The following GCAT variants were observed in gnomAD, a reference collection of about 807,000 sequenced individuals.
GCAT encodes the protein glycine C-acetyltransferase.
A neutral mutation model predicts 39.7 loss-of-function variants in GCAT; 26 were observed. The ratio of observed to expected loss-of-function variants is 0.65; its 90% CI spans 0.48 to 0.91. The LOEUF (loss-of-function observed/expected upper bound fraction) is 0.91, where lower values mean the gene tolerates loss of function less well. Among genes scored for constraint, GCAT ranks in the 40% least tolerant of loss-of-function variants. The pLI, the probability that GCAT is intolerant of heterozygous loss-of-function variation, is 0.00. For synonymous variants in GCAT, 218 were observed against 237.2 expected, an observed-to-expected ratio of 0.92 and a Z score of 0.74; for missense variants, 550 against 576.2, an observed-to-expected ratio of 0.95 and a Z score of 0.47.
At chr22:37,814,758 G>A (rs1387308757) in intron 4 of GCAT, among the ~76,000 whole-genome samples, 1 of 152,202 alleles carries the variant, frequency 6.6e-6, no homozygotes, top group Non-Finnish European at 1.5e-5. Flanking sequence ...ACAGGTGTGA[G>A]CCACTGTGCC....
chr22:37,812,817 C>A (rs1288906176), intron 2 of GCAT, 70 bp from the exon 3 acceptor site: 1 of 1,061,610 alleles, frequency 9.4e-7, no homozygotes, highest in Non-Finnish European at 1.5e-6. Flanking sequence ...GTCCTCCAAG[C>A]CTCTGTCCCC....
rs566308999 is a variant in GCAT, at chr22:37,813,009, G to A, written c.429+21G>A. 6.3e-5 allele frequency: 98 copies of A among 1,548,890 alleles called. 1 individual carries two copies. In the South Asian group the frequency reaches 8.8e-4, roughly 14 times the overall value. Reference sequence around the variant, plus strand: ...TTGAGGTGTGTGGAAGCTGTCCTGCGGGTGAGGGTTGGTGGGGCCTGTTAG... The same window carrying A: ...TTGAGGTGTGTGGAAGCTGTCCTGCAGGTGAGGGTTGGTGGGGCCTGTTAG... On this transcript the variant is annotated intron_variant, in intron 3 of 8. Coordinates refer to ENST00000248924, the MANE Select transcript of GCAT (RefSeq NM_014291.4).
chr22:37,815,440 G>A lies in GCAT; in HGVS notation c.754G>A (p.Val252Met), dbSNP rs1453658428. The A allele has an allele frequency of 3.7e-6, 6 of 1,610,758 alleles. No individual in the cohort carries two copies. The highest frequency in any genetic ancestry group is 5.1e-6 in the Non-Finnish European group (6 of 1,178,940). ...TGRGTDELLG[V>M]MDQVTIINST... is the part of the protein sequence containing the mutation. ...CAGGGGCACAGATGAGCTGCTGGGTGTGATGGACCAGGTCACCATCATCAA... is the reference window on the plus strand; with the variant it reads ...CAGGGGCACAGATGAGCTGCTGGGTATGATGGACCAGGTCACCATCATCAA... Residue 252 changes from valine to methionine, a missense_variant, in exon 6 of 9, where the codon GTG becomes ATG. Val to Met is a conservative substitution (Grantham distance 21, BLOSUM62 1). Around this residue, in one of 3 missense-constraint regions of GCAT, gnomAD observed 378 missense variants for 390.4 expected, o/e 0.97. Coordinates refer to ENST00000248924, the MANE Select transcript of GCAT (RefSeq NM_014291.4).
At position 37,810,051 on chromosome 22, in the gene GCAT, A is replaced by G; in HGVS notation, c.221A>G (p.Asn74Ser). 1 of 1,614,122 alleles carries G rather than the reference A, an allele frequency of 6.2e-7. No individual in the cohort carries two copies. Among genetic ancestry groups the G allele is most frequent in the East Asian group, 2.2e-5 (1 of 44,882 alleles). The change falls in exon 2 of 9, where the codon AAC becomes AGC. Residue 74 changes from asparagine to serine, a missense_variant. Asn to Ser is a conservative substitution (Grantham distance 46, BLOSUM62 1). Transcript: ENST00000248924. ...GGAATCCTTAACTTCTGTGCCAACA[A>G]CTACCTGGGCCTGAGCAGCCACCCT... The part of the protein sequence containing the change: ...SGGILNFCAN[N>S]YLGLSSHPEV...
intron 2 of GCAT, among the ~76,000 whole-genome samples, chr22:37,812,430 C>T (rs988523174): frequency 2.6e-5 from 4 of 152,158 alleles, no homozygotes; most frequent in African/African-American, 9.7e-5. Flanking sequence ...AAATGAATGT[C>T]AGAGGCAGAA....
intron 2 of GCAT, 61 bp downstream of exon 2, chr22:37,810,218 A>T: frequency 7.7e-7 from 1 of 1,292,644 alleles, no homozygotes; most frequent in South Asian, 1.2e-5. Context: ...TCCCACAGTC[A>T]GCAAGGCTGG....
rs541473388 is a variant in GCAT at position 37,812,165 on chromosome 22, T to TC, written c.328-722_328-721insC. On this transcript the variant is annotated intron_variant, in intron 2 of 8. Coordinates refer to ENST00000248924, the MANE Select transcript of GCAT (RefSeq NM_014291.4). ...GGGCAACATAGCAAGACCCTCTCTCTAAAAAAAAAAAAATGTTTTTAATTA... is the reference window on the plus strand; with the variant it reads ...GGGCAACATAGCAAGACCCTCTCTCTCAAAAAAAAAAAAATGTTTTTAATTA... Among the ~76,000 whole-genome samples, 4 of 146,948 alleles carry TC rather than the reference T, an allele frequency of 2.7e-5. No individual in the cohort carries two copies. The East Asian group carries it at 6.0e-4, about 22-fold the overall frequency.
intron 1 of GCAT, among the ~76,000 whole-genome samples, chr22:37,808,505 GGCTTGCCCAAAAGCCCCCAGCTA>G (rs567645908): frequency 0.016 from 2,417 of 152,314 alleles, 18 homozygotes; most frequent in Middle Eastern, 0.054. Context: ...GATGTGAAAT[GGCTTGCCCAAAAGCCCCCAGCTA>G]GCTGCAGGCA....
intron 8 of GCAT, 45 bp downstream of exon 8, chr22:37,816,366 A>T (rs1922198594): frequency 6.3e-7 from 1 of 1,598,970 alleles, no homozygotes; most frequent in African/African-American, 1.3e-5. Context: ...TCCTGAGAGA[A>T]GAGAAAGGGA....
rs773756902 is a variant in GCAT at position 37,813,533 on chromosome 22, G to A, written c.500G>A (p.Arg167Gln). The change falls in exon 4 of 9, where the codon CGG becomes CAG. Residue 167 changes from arginine (R) to glutamine (Q), a missense_variant. Physicochemically the swap from Arg to Gln is conservative, Grantham distance 43. Transcript: ENST00000248924. ...CATGCCTCCATCATCGACGGCATCC[G>A]GCTGTGCAAGGCCCACAAGTACCGC... ...LNHASIIDGI[R>Q]LCKAHKYRYR... 39 of 1,613,310 alleles carry A rather than the reference G, an allele frequency of 2.4e-5. No homozygotes were observed. The highest frequency in any genetic ancestry group is 1.5e-4 in the South Asian group (14 of 90,948).
chr22:37,809,147 G>A (rs998931431), intron 1 of GCAT, among the ~76,000 whole-genome samples: 1 of 152,214 alleles, frequency 6.6e-6, no homozygotes, highest in Non-Finnish European at 1.5e-5. Context: ...GAGGTCCCAG[G>A]TAATCCCTTC....
At chr22:37,815,016 C>A in intron 4 of GCAT, 110 bp from the exon 5 acceptor site, 1 of 1,060,062 alleles carries the variant, frequency 9.4e-7, no homozygotes, top group Non-Finnish European at 1.4e-6. Context: ...GTGCCCACCT[C>A]TGTGCTGGGC....
Position 37,808,844 on chromosome 22 carries a change from A to C in GCAT, c.196+681A>C, listed in dbSNP as rs187317492. ...TGGGACTACAGGCACGTGCCAGCAC[A>C]CCCGGCTAATTTTTGTATTTTTAGT... On this transcript the variant is annotated intron_variant, in intron 1 of 8. Transcript: ENST00000248924. Among the ~76,000 whole-genome samples the C allele has an allele frequency of 9.9e-5, 15 of 152,118 alleles. No homozygotes were observed. The East Asian group carries it at 2.7e-3, about 27-fold the overall frequency.
intron 2 of GCAT, among the ~76,000 whole-genome samples, chr22:37,812,165 T>TAAAA (rs397804303): frequency 6.8e-6 from 1 of 146,856 alleles, no homozygotes; most frequent in Non-Finnish European, 1.5e-5. Context: ...ACCCTCTCTC[T>TAAAA]AAAAAAAAAA....
chr22:37,808,507 C>T (rs750010652), intron 1 of GCAT, among the ~76,000 whole-genome samples: 2 of 147,390 alleles, frequency 1.4e-5, no homozygotes, highest in Non-Finnish European at 3.1e-5. Flanking sequence ...TGTGAAATGG[C>T]TTGCCCAAAA....
At position 37,816,829 on chromosome 22, in the gene GCAT, C is replaced by G. The variant is rs1922260375; in HGVS notation, c.*111C>G. ...TGAGCCCTGAACCAAAGTCCCAGAG[C>G]TGGGCTGGGACGTGACCTGTGCTGA... is the stretch of plus-strand genomic sequence containing the variant. On this transcript the variant is annotated 3_prime_UTR_variant, in exon 9 of 9. Coordinates refer to ENST00000248924, the MANE Select transcript of GCAT (RefSeq NM_014291.4). The G allele has an allele frequency of 1.8e-6, 2 of 1,112,912 alleles. No individual in the cohort carries two copies. The highest frequency in any genetic ancestry group is 4.9e-5 in the East Asian group (2 of 40,642). The allele number at this position is 1,112,912 out of a possible 1,614,324, so 68.9% of individuals were successfully genotyped here. A position where few individuals can be genotyped will look rare whatever the true frequency, so the allele number is the denominator to read the frequency against.
chr22:37,807,940 G>A lies in GCAT; in HGVS notation c.-28G>A. ...CGCGATGCGCACGGCTCCCAGGCAGGCAGGCGCGCTCGGGCGAGGTAGGAG... is the reference window on the plus strand; with the variant it reads ...CGCGATGCGCACGGCTCCCAGGCAGACAGGCGCGCTCGGGCGAGGTAGGAG... On this transcript the variant is annotated 5_prime_UTR_variant, in exon 1 of 9. Transcript: ENST00000248924. 1 of 1,458,214 alleles carries A rather than the reference G, an allele frequency of 6.9e-7. No individual in the cohort carries two copies. Among genetic ancestry groups the A allele is most frequent in the Non-Finnish European group, 9.0e-7 (1 of 1,111,572 alleles). The allele number at this position is 1,458,214 out of a possible 1,614,324, so 90.3% of individuals were successfully genotyped here. A position where few individuals can be genotyped will look rare whatever the true frequency, so the allele number is the denominator to read the frequency against.
chr22:37,816,624 G>C lies in GCAT; in HGVS notation c.1166G>C (p.Arg389Pro), dbSNP rs750944946. The C allele has an allele frequency of 1.9e-6, 3 of 1,614,148 alleles. No individual in the cohort carries two copies. The highest frequency in any genetic ancestry group is 1.7e-5 in the Admixed American group (1 of 60,032). Reference sequence around the variant, plus strand: ...GTCCCCAAGGGCAAGGCCCGGATCCGGGTACAGATCTCAGCAGTGCATAGC... The same window carrying C: ...GTCCCCAAGGGCAAGGCCCGGATCCCGGTACAGATCTCAGCAGTGCATAGC... ...PVVPKGKARI[R>P]VQISAVHSEE... Residue 389 changes from arginine (R) to proline (P), a missense_variant, in exon 9 of 9, where the codon CGG becomes CCG. Physicochemically the swap from Arg to Pro is moderately radical, Grantham distance 103. Around this residue, in one of 3 missense-constraint regions of GCAT, gnomAD observed 378 missense variants for 390.4 expected, o/e 0.97. Coordinates refer to ENST00000248924, the MANE Select transcript of GCAT (RefSeq NM_014291.4).
intron 2 of GCAT, among the ~76,000 whole-genome samples, chr22:37,810,698 G>A (rs968718952): frequency 6.6e-6 from 1 of 151,956 alleles, no homozygotes; most frequent in Non-Finnish European, 1.5e-5. Context: ...TGTATTTTTA[G>A]TAGAGACGGG....
Sources: gnomAD v4.1 joint callset for allele counts (sites outside exome capture counted in the v4.1 genomes callset) on GRCh38, gnomAD v4.1.1 for gene constraint, gnomAD v4.1.1 regional missense constraint, MANE v1.5 for transcripts, NCBI Gene and HGNC (gene_info 2026-07-23, HGNC 2026-07-21) for gene names.